NLRP4: variants seen among roughly 807,000 people sequenced by gnomAD.
The protein encoded by NLRP4 is NLR family pyrin domain containing 4, also known as NACHT, LRR and PYD domains-containing protein 4.
A neutral mutation model predicts 84.7 loss-of-function variants in NLRP4; 44 were observed. The ratio of observed to expected loss-of-function variants is 0.52; its 90% CI spans 0.41 to 0.67. The LOEUF (loss-of-function observed/expected upper bound fraction) is 0.67, where lower values mean the gene tolerates loss of function less well. Ranked by LOEUF, NLRP4 falls within the 30% of genes least tolerant of loss-of-function variation. The pLI, the probability that NLRP4 is intolerant of heterozygous loss-of-function variation, is 0.00. For synonymous variants in NLRP4, 544 were observed against 476.4 expected, an observed-to-expected ratio of 1.14 and a Z score of -1.85; for missense variants, 1,260 against 1,219.4, an observed-to-expected ratio of 1.03 and a Z score of -0.50.
chr19:55,855,516 G>A (rs1312137152), intron 2 of NLRP4, among the ~76,000 whole-genome samples: 1 of 152,194 alleles, frequency 6.6e-6, no homozygotes, highest in South Asian at 2.1e-4. Context: ...TCACCAGTTA[G>A]GGACTTCAGG....
chr19:55,875,753 G>T (rs1315715164), intron 7 of NLRP4, among the ~76,000 whole-genome samples: 2 of 152,066 alleles, frequency 1.3e-5, no homozygotes, highest in African/African-American at 2.4e-5. Flanking sequence ...AGTGGGCCAG[G>T]CGCGGTGGCT....
In NLRP4 at chr19:55,852,212, G is replaced by C; in HGVS notation, c.132G>C (p.Trp44Cys). 6.2e-7 allele frequency: 1 copy of C among 1,609,282 alleles called. No individual in the cohort carries two copies. Among genetic ancestry groups the C allele is most frequent in the South Asian group, 1.1e-5 (1 of 89,594 alleles). The change falls in exon 2 of 10, where the codon TGG (tryptophan) becomes TGC (cysteine). Residue 44 changes from tryptophan to cysteine, a missense_variant. Physicochemically the swap from Trp to Cys is radical, Grantham distance 215. Coordinates refer to ENST00000301295, the MANE Select transcript of NLRP4 (RefSeq NM_134444.5). ...TLQLELKQIPWTEVKKASREE... is the reference protein window; with the variant it reads ...TLQLELKQIPCTEVKKASREE... Reference sequence around the variant, plus strand: ...AGCTTGAACTCAAGCAGATTCCCTGGACTGAGGTCAAAAAAGCATCCCGGG... The same window carrying C: ...AGCTTGAACTCAAGCAGATTCCCTGCACTGAGGTCAAAAAAGCATCCCGGG...
chr19:55,841,041 T>G (rs1983593849), intron 1 of NLRP4, among the ~76,000 whole-genome samples: 1 of 152,218 alleles, frequency 6.6e-6, no homozygotes. Flanking sequence ...TGTACATATT[T>G]ATGGGATACA....
In NLRP4 at chr19:55,838,035, C is replaced by CCAAAAAAAAAAAAAAAA. The variant is rs59078329; in HGVS notation, c.-66+1101_-66+1102insCAAAAAAAAAAAAAAAA. 3.8e-4 allele frequency among the ~76,000 whole-genome samples: 51 copies of CCAAAAAAAAAAAAAAAA among 132,552 alleles called. 3 individuals are homozygous for CCAAAAAAAAAAAAAAAA. The highest frequency in any genetic ancestry group is 6.9e-4 in the South Asian group (3 of 4,342). 87.0% of individuals were successfully genotyped at this position (132,552 alleles called of 152,430 possible). ...TGGGTGACAGAATGAGACTCGGTCT[C>CCAAAAAAAAAAAAAAAA]AAGCTGGATGCAGTGGCTCACACCT... On this transcript the variant is annotated intron_variant, in intron 1 of 9. Transcript: ENST00000301295.
chr19:55,856,309 A>T lies in NLRP4; in HGVS notation c.281-1365A>T, dbSNP rs567504077. ...GCGCCCAGCCAACTACAGCAACTGG[A>T]GACAAGCCTTCTGTTACAGAAGAGT... On this transcript the variant is annotated intron_variant, in intron 2 of 9. Coordinates refer to ENST00000301295, the MANE Select transcript of NLRP4 (RefSeq NM_134444.5). Among the ~76,000 whole-genome samples the T allele has an allele frequency of 3.1e-3, 467 of 152,056 alleles. 2 individuals carry two copies. Among genetic ancestry groups the T allele is most frequent in the Non-Finnish European group, 5.3e-3 (360 of 67,996 alleles).
intron 9 of NLRP4, among the ~76,000 whole-genome samples, chr19:55,880,698 G>A (rs1985553149): frequency 6.6e-6 from 1 of 152,154 alleles, no homozygotes; most frequent in South Asian, 2.1e-4. Flanking sequence ...TACGTAAAAG[G>A]AAGGACCAAG....
intron 1 of NLRP4, among the ~76,000 whole-genome samples, chr19:55,841,083 T>C (rs1983595465): frequency 6.6e-6 from 1 of 152,248 alleles, no homozygotes; most frequent in African/African-American, 2.4e-5. Flanking sequence ...ATCCATTGTA[T>C]AATGATCCAA....
chr19:55,854,591 C>T lies in NLRP4; in HGVS notation c.280+2231C>T, dbSNP rs1010331944. ...TCTGGTAGTAGTTACAGGGAAATTT[C>T]CTTAATATTGAGGATTAAAATAATT... On this transcript the variant is annotated intron_variant, in intron 2 of 9. Transcript: ENST00000301295. Among the ~76,000 whole-genome samples the T allele has an allele frequency of 2.0e-5, 3 of 152,208 alleles. No individual in the cohort carries two copies. The South Asian group carries it at 6.2e-4, about 32-fold the overall frequency.
At chr19:55,848,516 G>C (rs1243389649) in intron 1 of NLRP4, among the ~76,000 whole-genome samples, 1 of 152,056 alleles carries the variant, frequency 6.6e-6, no homozygotes, top group East Asian at 1.9e-4. Context: ...TGATTCCCCT[G>C]CCTCAGCCTC....
chr19:55,878,597 A>T (rs1195890471), intron 8 of NLRP4, among the ~76,000 whole-genome samples, 197 bp from the exon 9 acceptor site: 1 of 152,188 alleles, frequency 6.6e-6, no homozygotes, highest in East Asian at 1.9e-4. Context: ...GTGGGCAGGG[A>T]TACAGAGAAG....
At chr19:55,842,592 A>C (rs1212172075) in intron 1 of NLRP4, among the ~76,000 whole-genome samples, 2 of 151,802 alleles carry the variant, frequency 1.3e-5, no homozygotes, top group East Asian at 1.9e-4. Flanking sequence ...GTCTCACAAG[A>C]CTGACTCTAT....
At chr19:55,853,633 C>T (rs569968096) in intron 2 of NLRP4, among the ~76,000 whole-genome samples, 6 of 152,146 alleles carry the variant, frequency 3.9e-5, no homozygotes, top group South Asian at 4.1e-4. Flanking sequence ...TGGTCTCAAA[C>T]TCCTGGGCTC....
intron 2 of NLRP4, among the ~76,000 whole-genome samples, chr19:55,853,149 T>C (rs1036849386): frequency 6.6e-6 from 1 of 152,262 alleles, no homozygotes; most frequent in African/African-American, 2.4e-5. Flanking sequence ...ACTGTTACTT[T>C]GCACATTTGC....
At chr19:55,856,524 T>C (rs1405833040) in intron 2 of NLRP4, among the ~76,000 whole-genome samples, 1 of 148,818 alleles carries the variant, frequency 6.7e-6, no homozygotes, top group African/African-American at 2.5e-5. Context: ...TTTTTTTTTT[T>C]TTTTTTTTTG....
chr19:55,840,862 T>C (rs930816387), intron 1 of NLRP4, among the ~76,000 whole-genome samples: 1 of 152,222 alleles, frequency 6.6e-6, no homozygotes, highest in Non-Finnish European at 1.5e-5. Flanking sequence ...AACAGATTTT[T>C]TTAAAAGCCT....
At chr19:55,850,728 T>TGCGGTGTACTTC (rs1568659255) in intron 1 of NLRP4, among the ~76,000 whole-genome samples, 545 of 53,970 alleles carry the variant, frequency 0.01, 151 homozygotes, top group East Asian at 0.025. Context: ...CGGTGTACTT[T>TGCGGTGTACTTC]CCGAGGCTGC....
At chr19:55,871,505 A>G (rs1460231473) in intron 7 of NLRP4, among the ~76,000 whole-genome samples, 11 of 152,218 alleles carry the variant, frequency 7.2e-5, no homozygotes, top group Non-Finnish European at 1.0e-4. Flanking sequence ...ATGTTATCAA[A>G]TAGAGAAATA....
At position 55,858,127 on chromosome 19, in the gene NLRP4, C is replaced by T. The variant is rs866406307; in HGVS notation, c.734C>T (p.Ser245Leu). The T allele has an allele frequency of 8.7e-6, 14 of 1,614,038 alleles. No homozygotes were observed. The highest frequency in any genetic ancestry group is 6.6e-5 in the South Asian group (6 of 91,088). ...CAGGGCGGCTTGAACGAACCCGATT[C>T]GGATCTGTGTGGTGACTTGATGGAG... ...ELQGGLNEPDSDLCGDLMEKR... is the reference protein window; with the variant it reads ...ELQGGLNEPDLDLCGDLMEKR... Residue 245 changes from serine to leucine, a missense_variant, in exon 3 of 10, where the codon TCG becomes TTG. By Grantham distance (145) the Ser-to-Leu change is moderately radical (BLOSUM62 -2). Transcript: ENST00000301295. This position sits in a 1 kb window ranked among gnomAD's most constrained non-coding sequence, Gnocchi z 4.2.
intron 4 of NLRP4, 126 bp from the exon 5 acceptor site, chr19:55,861,866 T>G: frequency 2.7e-6 from 2 of 747,874 alleles, no homozygotes; most frequent in South Asian, 1.7e-5. Context: ...TGAGAACTAC[T>G]GAGCTGTGTC....
Sources: gnomAD v4.1 joint callset for allele counts (sites outside exome capture counted in the v4.1 genomes callset) on GRCh38, gnomAD v4.1.1 for gene constraint, Gnocchi (gnomAD v3.1) non-coding constraint, MANE v1.5 for transcripts, NCBI Gene and HGNC (gene_info 2026-07-23, HGNC 2026-07-21) for gene names.